Variants in EMC2 observed in about 807,000 individuals in gnomAD.
EMC2 encodes ER membrane protein complex subunit 2, also known as TPR repeat protein 35.
Under a neutral mutation model 51.6 loss-of-function variants are expected in EMC2, and 37 were observed. That is an observed-to-expected ratio of 0.72 (90% CI 0.55 to 0.94). EMC2 has a LOEUF of 0.94. EMC2 is among the 40% of genes least tolerant of loss of function. EMC2 has a pLI of 0.00. For missense variants in EMC2, 359 were observed against 350.9 expected (o/e 1.02, Z -0.18); for synonymous variants, 131 against 112.4 (o/e 1.17, Z -1.04).
chr8:108,458,404 C>A (rs973286255), intron 5 of EMC2, among the ~76,000 whole-genome samples: 2 of 152,224 alleles, frequency 1.3e-5, no homozygotes, highest in Admixed American at 6.5e-5. Flanking sequence ...AGCAGAGGTT[C>A]TCCATGGTAG....
intron 4 of EMC2, among the ~76,000 whole-genome samples, chr8:108,454,643 CTTTA>C (rs1033949386): frequency 1.6e-4 from 24 of 151,814 alleles, no homozygotes; most frequent in African/African-American, 4.1e-4. Context: ...TTTATTTTAC[CTTTA>C]TTTATTCATT....
intron 9 of EMC2, among the ~76,000 whole-genome samples, chr8:108,477,162 G>A (rs2291170): frequency 0.68 from 103,876 of 151,806 alleles, 36,102 homozygotes; most frequent in African/African-American, 0.81. Context: ...CAGATAGGAA[G>A]AAAACATGAT....
intron 3 of EMC2, among the ~76,000 whole-genome samples, chr8:108,451,017 CGTG>C (rs1377330177): frequency 6.6e-6 from 1 of 152,096 alleles, no homozygotes; most frequent in Non-Finnish European, 1.5e-5. Context: ...GCCTGGCCAA[CGTG>C]GTGAAACCCC....
At position 108,455,965 on chromosome 8, in the gene EMC2, GTTTAA is replaced by G. The variant is rs1258529268; in HGVS notation, c.363+41_363+45del. The G allele has an allele frequency of 5.0e-6, 5 of 996,708 alleles. No individual in the cohort carries two copies. The South Asian group carries it at 5.7e-5, about 11-fold the overall frequency. 61.7% of individuals were successfully genotyped at this position (996,708 alleles called of 1,614,324 possible). A position where few individuals can be genotyped will look rare whatever the true frequency, so the allele number is the denominator to read the frequency against. ...CAGATTGTCTTGAAAAAAATCTAAA[GTTTAA>G]TTTAAAAGATAAAATTAATCGAGGA... is the stretch of plus-strand genomic sequence containing the variant. On this transcript the variant is annotated intron_variant, in intron 5 of 10. Coordinates refer to ENST00000220853, the MANE Select transcript of EMC2 (RefSeq NM_014673.5).
intron 10 of EMC2, among the ~76,000 whole-genome samples, chr8:108,479,408 G>A (rs139082943): frequency 6.6e-6 from 1 of 151,998 alleles, no homozygotes; most frequent in African/African-American, 2.4e-5. Flanking sequence ...TAAATATCAC[G>A]TCACATTTCA....
chr8:108,470,413 TGCTAA>T (rs1810831799), intron 7 of EMC2, among the ~76,000 whole-genome samples: 1 of 152,214 alleles, frequency 6.6e-6, no homozygotes, highest in South Asian at 2.1e-4. Context: ...GGCCTGCATT[TGCTAA>T]GCTAAGTTTA....
At chr8:108,447,706 C>G (rs1247810018) in intron 1 of EMC2, among the ~76,000 whole-genome samples, 2 of 152,104 alleles carry the variant, frequency 1.3e-5, no homozygotes, top group Non-Finnish European at 2.9e-5. Context: ...TAACCTTTGA[C>G]CTTTAGCTCA....
At chr8:108,453,898 G>T (rs191363069) in intron 4 of EMC2, among the ~76,000 whole-genome samples, 4 of 152,056 alleles carry the variant, frequency 2.6e-5, no homozygotes, top group Non-Finnish European at 4.4e-5. Context: ...TTGATGTTCT[G>T]TTGTTAGTCA....
At chr8:108,472,840 G>T (rs1810881562) in intron 7 of EMC2, among the ~76,000 whole-genome samples, 1 of 151,874 alleles carries the variant, frequency 6.6e-6, no homozygotes. Flanking sequence ...GCTTTTTTAA[G>T]TATAATAGGT....
chr8:108,467,464 T>A (rs564221798), intron 5 of EMC2, among the ~76,000 whole-genome samples: 1 of 152,174 alleles, frequency 6.6e-6, no homozygotes, highest in Non-Finnish European at 1.5e-5. Flanking sequence ...TTCTCCTGCC[T>A]CAGCCTCCCA....
Position 108,476,826 on chromosome 8 carries a change from A to G in EMC2, c.636A>G (p.Arg212=), listed in dbSNP as rs777643408. ...QGGLENLELS[R]KYFAQALKLN... is the part of the protein sequence containing the mutation. ...GACTTGAAAACCTCGAACTTTCAAG[A>G]AAGTATTTTGCACAGGCATTGAAAC... Residue 212 remains arginine, a synonymous_variant, in exon 9 of 11, where the codon AGA becomes AGG. Coordinates refer to ENST00000220853, the MANE Select transcript of EMC2 (RefSeq NM_014673.5). 5 of 1,608,452 alleles carry G rather than the reference A, an allele frequency of 3.1e-6. No individual in the cohort carries two copies. In the Admixed American group the frequency reaches 8.4e-5, roughly 27 times the overall value.
At chr8:108,450,077 A>G (rs1487826288) in intron 2 of EMC2, 141 bp downstream of exon 2, 5 of 528,332 alleles carry the variant, frequency 9.5e-6, no homozygotes, top group Non-Finnish European at 1.7e-5. Flanking sequence ...AATTTTAATG[A>G]TAGTTTATTT....
At chr8:108,468,110 GATTAA>G (rs1044923971) in intron 5 of EMC2, among the ~76,000 whole-genome samples, 15 of 152,256 alleles carry the variant, frequency 9.9e-5, no homozygotes, top group East Asian at 5.8e-4. Context: ...AAAAATGAAA[GATTAA>G]ATTATGTTTC....
intron 1 of EMC2, among the ~76,000 whole-genome samples, chr8:108,447,529 A>G (rs1818906499): frequency 6.6e-6 from 1 of 152,332 alleles, no homozygotes; most frequent in African/African-American, 2.4e-5. Flanking sequence ...AATATATAAA[A>G]AAATGAAGTG....
rs76448884 is a variant in EMC2 at position 108,472,290 on chromosome 8, T to A, written c.509+2169T>A. ...TTTAACCTACCATTAAATTTACTTA[T>A]TTTTTTCACCATGTGGTACCACCTT... On this transcript the variant is annotated intron_variant, in intron 7 of 10. Coordinates refer to ENST00000220853, the MANE Select transcript of EMC2 (RefSeq NM_014673.5). Among the ~76,000 whole-genome samples, 914 of 152,046 alleles carry A rather than the reference T, an allele frequency of 6.0e-3. 10 individuals carry two copies. The highest frequency in any genetic ancestry group is 0.021 in the African/African-American group (870 of 41,504).
chr8:108,452,899 T>G (rs749453754), intron 3 of EMC2, among the ~76,000 whole-genome samples, 163 bp from the exon 4 acceptor site: 4 of 152,236 alleles, frequency 2.6e-5, no homozygotes, highest in Non-Finnish European at 5.9e-5. Flanking sequence ...AATGTCATAG[T>G]GCTTCTTTCA....
chr8:108,476,667 A>G, intron 8 of EMC2, 115 bp from the exon 9 acceptor site: 2 of 537,124 alleles, frequency 3.7e-6, no homozygotes, highest in Non-Finnish European at 6.7e-6. Flanking sequence ...AACATCTTGT[A>G]TTTGTTTACA....
chr8:108,453,222 A>G (rs572919381), intron 4 of EMC2, 75 bp downstream of exon 4: 19 of 756,574 alleles, frequency 2.5e-5, no homozygotes, highest in Non-Finnish European at 4.0e-5. Context: ...TTTTTAATTC[A>G]GACATTCTAG....
chr8:108,480,628 T>C (rs1244065188), intron 10 of EMC2, among the ~76,000 whole-genome samples: 97 of 152,266 alleles, frequency 6.4e-4, no homozygotes, highest in Non-Finnish European at 1.2e-4. Flanking sequence ...ACAGTTTGTG[T>C]TTCTTCCTTT....
Sources: gnomAD v4.1 joint callset for allele counts (sites outside exome capture counted in the v4.1 genomes callset) on GRCh38, gnomAD v4.1.1 for gene constraint, MANE v1.5 for transcripts, NCBI Gene and HGNC (gene_info 2026-07-23, HGNC 2026-07-21) for gene names.